Variants in VPS13B observed in about 807,000 individuals in gnomAD.
The protein encoded by VPS13B is vacuolar protein sorting 13 homolog B.
VPS13B carries 285 observed loss-of-function variants against 426.4 expected under a neutral mutation model. That is an observed-to-expected ratio of 0.67 (90% CI 0.61 to 0.74). The LOEUF is 0.74. Ranked by LOEUF, VPS13B falls within the 30% of genes least tolerant of loss-of-function variation. The pLI is 0.00. For missense variants in VPS13B, 4,537 were observed against 4,782.6 expected (o/e 0.95, Z 1.51); for synonymous variants, 1,676 against 1,676.4 (o/e 1.00, Z 0.01).
chr8:99,311,419 C>T (rs534383942), intron 19 of VPS13B, among the ~76,000 whole-genome samples: 5 of 152,240 alleles, frequency 3.3e-5, no homozygotes, highest in South Asian at 2.1e-4. Context: ...GCCTTCATTT[C>T]GTTATATACC....
intron 43 of VPS13B, among the ~76,000 whole-genome samples, chr8:99,806,827 T>A (rs939213249): frequency 1.3e-5 from 2 of 152,342 alleles, no homozygotes; most frequent in African/African-American, 2.4e-5. Flanking sequence ...ACCTCTCACG[T>A]TAGCTAGGTG....
chr8:99,333,709 A>C (rs1415542914), intron 19 of VPS13B, among the ~76,000 whole-genome samples: 2 of 151,896 alleles, frequency 1.3e-5, no homozygotes, highest in Admixed American at 1.3e-4. Context: ...AACCACTGGC[A>C]TCTACTAATA....
chr8:99,805,394 T>G (rs988127586), intron 43 of VPS13B, among the ~76,000 whole-genome samples: 1 of 152,230 alleles, frequency 6.6e-6, no homozygotes, highest in African/African-American at 2.4e-5. Flanking sequence ...TGTTTTAAGA[T>G]GCAGTTTAAC....
chr8:99,041,106 G>C (rs1179397171), intron 3 of VPS13B, among the ~76,000 whole-genome samples: 1 of 152,178 alleles, frequency 6.6e-6, no homozygotes, highest in African/African-American at 2.4e-5. Context: ...TTTACTTATA[G>C]AGATTTTTAG....
At chr8:99,265,756 T>G (rs1048207187) in intron 17 of VPS13B, among the ~76,000 whole-genome samples, 7 of 152,302 alleles carry the variant, frequency 4.6e-5, no homozygotes, top group African/African-American at 1.4e-4. Flanking sequence ...TTTTAATTCT[T>G]ATATTTCTGG....
intron 19 of VPS13B, among the ~76,000 whole-genome samples, chr8:99,277,929 TTTGAAG>T (rs1818980386): frequency 6.6e-6 from 1 of 152,206 alleles, no homozygotes; most frequent in Non-Finnish European, 1.5e-5. Flanking sequence ...TTCTTTGCTT[TTTGAAG>T]TTGAAGTATC....
intron 2 of VPS13B, among the ~76,000 whole-genome samples, chr8:99,029,069 C>T (rs1213911827): frequency 6.6e-6 from 1 of 150,600 alleles, no homozygotes; most frequent in Non-Finnish European, 1.5e-5. Flanking sequence ...GACGGGGCGG[C>T]CGGGCAGAGA....
At chr8:99,712,274 A>G (rs2130280153) in intron 36 of VPS13B, among the ~76,000 whole-genome samples, 1 of 152,312 alleles carries the variant, frequency 6.6e-6, no homozygotes, top group South Asian at 2.1e-4. Context: ...TAGGCTCCAC[A>G]TGCTGACTGC....
intron 19 of VPS13B, among the ~76,000 whole-genome samples, chr8:99,333,696 C>A (rs1327749433): frequency 6.6e-6 from 1 of 151,898 alleles, no homozygotes; most frequent in Non-Finnish European, 1.5e-5. Context: ...AACCCCAAGT[C>A]TTAACCACTG....
At chr8:99,481,482 GT>G in intron 24 of VPS13B, 116 bp from the exon 25 acceptor site, 1 of 1,181,278 alleles carries the variant, frequency 8.5e-7, no homozygotes, top group South Asian at 1.2e-5. Flanking sequence ...CATTGGTAGA[GT>G]TTGTTTTATA....
intron 43 of VPS13B, among the ~76,000 whole-genome samples, chr8:99,798,671 G>T (rs1186417980): frequency 6.6e-6 from 1 of 152,108 alleles, no homozygotes. Context: ...TGCGGCTAAT[G>T]GTCTCTCTCT....
At chr8:99,556,825 C>A (rs965126867) in intron 31 of VPS13B, among the ~76,000 whole-genome samples, 172 bp downstream of exon 31, 1 of 151,964 alleles carries the variant, frequency 6.6e-6, no homozygotes, top group African/African-American at 2.4e-5. Flanking sequence ...GGCATGGAAA[C>A]CTGCTAGTCC....
intron 4 of VPS13B, among the ~76,000 whole-genome samples, chr8:99,099,513 T>A (rs572672349): frequency 6.6e-5 from 10 of 152,082 alleles, no homozygotes; most frequent in Admixed American, 1.3e-4. Flanking sequence ...TTTAAGACTA[T>A]CAGAGAAATA....
At chr8:99,809,321 C>T in intron 43 of VPS13B, 54 bp from the exon 44 acceptor site, 6 of 1,610,178 alleles carry the variant, frequency 3.7e-6, no homozygotes, top group Non-Finnish European at 5.1e-6. Flanking sequence ...CATTTTAGGA[C>T]TAGGTTTTTG....
intron 33 of VPS13B, 59 bp from the exon 34 acceptor site, chr8:99,641,752 G>T: frequency 6.8e-7 from 1 of 1,481,310 alleles, no homozygotes; most frequent in Non-Finnish European, 9.2e-7. Context: ...ATATAACATT[G>T]TTTATATGAC....
chr8:99,421,548 T>C (rs1036207444), intron 21 of VPS13B, among the ~76,000 whole-genome samples: 1 of 152,302 alleles, frequency 6.6e-6, no homozygotes, highest in African/African-American at 2.4e-5. Context: ...TACATCCTTG[T>C]TTTGCCACTT....
chr8:99,506,736 A>G (rs891468314), intron 27 of VPS13B, among the ~76,000 whole-genome samples: 40 of 152,146 alleles, frequency 2.6e-4, no homozygotes, highest in African/African-American at 9.4e-4. Context: ...GTATGCCTGT[A>G]GTTCCAGCTG....
chr8:99,221,784 C>T (rs1038070519), intron 17 of VPS13B, among the ~76,000 whole-genome samples: 4 of 152,144 alleles, frequency 2.6e-5, no homozygotes, highest in African/African-American at 9.7e-5. Flanking sequence ...TCATAGCTGA[C>T]TGCAAACTTG....
chr8:99,620,952 C>G (rs1828320368), intron 33 of VPS13B, among the ~76,000 whole-genome samples: 1 of 144,348 alleles, frequency 6.9e-6, no homozygotes. Context: ...TGCTGCTGCA[C>G]TCCAGCCTGG....
Sources: gnomAD v4.1 joint callset for allele counts (sites outside exome capture counted in the v4.1 genomes callset) on GRCh38, gnomAD v4.1.1 for gene constraint, MANE v1.5 for transcripts, NCBI Gene and HGNC (gene_info 2026-07-23, HGNC 2026-07-21) for gene names.